ZNF83: variants seen among roughly 807,000 people sequenced by gnomAD.
ZNF83 encodes the protein zinc finger protein 83, also known as zinc finger protein 816B.
For synonymous variants in ZNF83, 209 were observed against 213.0 expected (o/e 0.98, Z 0.17); for missense variants, 552 against 629.9 (o/e 0.88, Z 1.32).
At chr19:52,639,423 T>TTTTTTTTTC (rs1344037723), upstream of ZNF83, among the ~76,000 whole-genome samples, 2 of 96,524 alleles carry the variant, frequency 2.1e-5, no homozygotes, top group African/African-American at 7.6e-5. Flanking sequence ...CTATTTTTTT[T>TTTTTTTTTC]TTTTTTTTTT....
intron 2 of ZNF83, among the ~76,000 whole-genome samples, chr19:52,625,107 C>T (rs374954750): frequency 6.6e-6 from 1 of 152,104 alleles, no homozygotes; most frequent in African/African-American, 2.4e-5. Flanking sequence ...CAGGCCTAAT[C>T]GCCACTCACC....
At chr19:52,613,042 G>C in exon 3 of ZNF83, 1 of 1,603,526 alleles carries the variant, frequency 6.2e-7, no homozygotes, top group South Asian at 1.1e-5. Flanking sequence ...TTTCTTTCCG[G>C]CATGAAATCT....
At chr19:52,630,949 C>T (rs1377381493) in intron 2 of ZNF83, among the ~76,000 whole-genome samples, 1 of 149,774 alleles carries the variant, frequency 6.7e-6, no homozygotes, top group Non-Finnish European at 1.5e-5. Context: ...CTATCCACCC[C>T]ATGGTGCCAA....
rs187584514 is a variant in ZNF83 at position 52,630,355 on chromosome 19, A to T, written c.-234+4711T>A. On this transcript the variant is annotated intron_variant, in intron 2 of 2. Coordinates refer to ENST00000301096, the Ensembl canonical transcript of ZNF83. ...CCCCTTCTTAATCAATACGGAGGCT[A>T]CCCACTCCACATTACCTTCTTTTCA... is the stretch of plus-strand genomic sequence containing the variant. Among the ~76,000 whole-genome samples, 768 of 152,176 alleles carry T rather than the reference A, an allele frequency of 5.0e-3. 4 individuals carry two copies. Among genetic ancestry groups the T allele is most frequent in the African/African-American group, 0.016 (677 of 41,522 alleles).
At chr19:52,618,773 A>C in intron 2 of ZNF83, 1 of 1,229,720 alleles carries the variant, frequency 8.1e-7, no homozygotes, top group South Asian at 1.5e-5. Context: ...CATCTAAAAA[A>C]GGGGACAGTG....
chr19:52,670,255 C>A (rs2061706803), intron 1 of ZNF83, among the ~76,000 whole-genome samples: 2 of 152,162 alleles, frequency 1.3e-5, no homozygotes, highest in Admixed American at 1.3e-4. Flanking sequence ...ATTCTCCACC[C>A]TCATTCCATA....
At chr19:52,652,582 C>A in intron 3 of ZNF83, 1 of 431,764 alleles carries the variant, frequency 2.3e-6, no homozygotes, top group South Asian at 1.8e-5. Context: ...AGTATGAGTT[C>A]ACTGATGAAC....
At position 52,687,616 on chromosome 19, in the gene ZNF83, G is replaced by GTATATATATATATAATGTATATATATATA. The variant is rs2062062645; in HGVS notation, c.-283+2798_-283+2826dup. 1.9e-3 allele frequency among the ~76,000 whole-genome samples: 30 copies of GTATATATATATATAATGTATATATATATA among 15,808 alleles called. 1 individual carries two copies. Among genetic ancestry groups the GTATATATATATATAATGTATATATATATA allele is most frequent in the Non-Finnish European group, 2.1e-4 (2 of 9,498 alleles). The allele number at this position is 15,808 out of a possible 152,430, so 10.4% of individuals were successfully genotyped here. ...TATATAATGTATATATATATAATGTGTATATATATATATAATGTATATATA... is the reference window on the plus strand; with the variant it reads ...TATATAATGTATATATATATAATGTGTATATATATATATAATGTATATATATATATATATATATATATAATGTATATATA... On this transcript the variant is annotated intron_variant, in intron 1 of 5. Transcript: ENST00000594682.
intron 3 of ZNF83, among the ~76,000 whole-genome samples, chr19:52,649,047 G>A (rs1348735645): frequency 6.6e-6 from 1 of 152,020 alleles, no homozygotes; most frequent in Non-Finnish European, 1.5e-5. Context: ...TTCTCCCGCC[G>A]GGTCCCCACC....
intron 1 of ZNF83, among the ~76,000 whole-genome samples, chr19:52,669,292 C>T (rs4801928): frequency 0.34 from 52,096 of 151,890 alleles, 9,548 homozygotes; most frequent in East Asian, 0.56. Flanking sequence ...CAATTAGAGT[C>T]CCATGGGGAA....
chr19:52,645,544 C>G (rs900664705), intron 3 of ZNF83, among the ~76,000 whole-genome samples: 2 of 152,122 alleles, frequency 1.3e-5, no homozygotes, highest in Non-Finnish European at 2.9e-5. Context: ...CAGATGCTCA[C>G]GCCTGTAATC....
intron 1 of ZNF83, among the ~76,000 whole-genome samples, chr19:52,677,069 T>C (rs1841652220): frequency 6.8e-6 from 1 of 146,970 alleles, no homozygotes; most frequent in Non-Finnish European, 1.5e-5. Flanking sequence ...CCTCCACTGT[T>C]GTCCTATGAC....
At chr19:52,690,094 A>G (rs73590046) in intron 1 of ZNF83, among the ~76,000 whole-genome samples, 8,752 of 151,280 alleles carry the variant, frequency 0.058, 788 homozygotes, top group African/African-American at 0.2. Flanking sequence ...GACAAGGGCA[A>G]GGCTGGGAGG....
At chr19:52,631,089 ACC>A (rs562395451) in intron 2 of ZNF83, among the ~76,000 whole-genome samples, 1,352 of 131,226 alleles carry the variant, frequency 0.01, 30 homozygotes, top group African/African-American at 0.035. Flanking sequence ...ACTTGGACTG[ACC>A]CTGACACCCA....
upstream of ZNF83, among the ~76,000 whole-genome samples, chr19:52,639,404 T>C (rs748826769): frequency 1.4e-4 from 19 of 133,278 alleles, no homozygotes; most frequent in Non-Finnish European, 2.7e-4. Flanking sequence ...TTTATATATT[T>C]AGTTTTTTCT....
chr19:52,682,926 A>G (rs1231016750), intron 1 of ZNF83, among the ~76,000 whole-genome samples: 2 of 152,058 alleles, frequency 1.3e-5, no homozygotes, highest in Non-Finnish European at 1.5e-5. Flanking sequence ...GCTGGAGTAC[A>G]GTGGCACCAT....
chr19:52,674,363 T>C (rs1176102231), intron 1 of ZNF83: 1 of 152,228 alleles, frequency 6.6e-6, no homozygotes, highest in Non-Finnish European at 1.5e-5. Context: ...TCCTGTAGGA[T>C]CTCACATGAT....
chr19:52,649,671 G>A (rs1037588785), intron 3 of ZNF83, among the ~76,000 whole-genome samples: 29 of 152,186 alleles, frequency 1.9e-4, no homozygotes, highest in African/African-American at 6.5e-4. Flanking sequence ...AAAAGACTAT[G>A]AGAACAAATG....
At chr19:52,687,573 A>AATTATATATAT (rs2062054425) in intron 1 of ZNF83, among the ~76,000 whole-genome samples, 2 of 36,008 alleles carry the variant, frequency 5.6e-5, no homozygotes, top group African/African-American at 1.2e-4. Flanking sequence ...ATATATATAT[A>AATTATATATAT]AATTTTATAT....
Sources: allele counts gnomAD v4.1 joint callset (sites outside exome capture counted in the v4.1 genomes callset), GRCh38; gene constraint gnomAD v4.1.1; transcripts MANE v1.5; gene names NCBI Gene and HGNC (gene_info 2026-07-23, HGNC 2026-07-21).